PPP1R1C: variants seen among roughly 807,000 people sequenced by gnomAD.
PPP1R1C encodes the protein protein phosphatase 1 regulatory subunit 1C.
PPP1R1C carries 15 observed loss-of-function variants against 17.4 expected under a neutral mutation model. The ratio of observed to expected loss-of-function variants is 0.86; its 90% CI spans 0.58 to 1.33. The LOEUF is 1.33. PPP1R1C is among the 40% of genes most tolerant of loss of function. PPP1R1C has a pLI of 0.00. For synonymous variants in PPP1R1C, 35 were observed against 43.1 expected (o/e 0.81, Z 0.73); for missense variants, 143 against 130.0 (o/e 1.10, Z -0.48).
chr2:181,986,662 CAAT>C (rs2125139253), intron 1 of PPP1R1C, among the ~76,000 whole-genome samples: 1 of 152,224 alleles, frequency 6.6e-6, no homozygotes, highest in Non-Finnish European at 1.5e-5. Context: ...GGACACAAAA[CAAT>C]GATTATAAGT....
chr2:182,016,346 A>G (rs1686262569), intron 2 of PPP1R1C, among the ~76,000 whole-genome samples: 2 of 152,062 alleles, frequency 1.3e-5, no homozygotes, highest in African/African-American at 4.8e-5. Flanking sequence ...GTGATTGCTC[A>G]TTTGATTTTT....
At chr2:182,029,342 G>A (rs989361604) in intron 2 of PPP1R1C, among the ~76,000 whole-genome samples, 29 of 152,086 alleles carry the variant, frequency 1.9e-4, no homozygotes, top group African/African-American at 5.1e-4. Context: ...ATTTTGTAGC[G>A]GCTGGTACCG....
intron 2 of PPP1R1C, among the ~76,000 whole-genome samples, chr2:182,000,239 G>C (rs1388030737): frequency 1.3e-5 from 2 of 152,154 alleles, no homozygotes; most frequent in Non-Finnish European, 2.9e-5. Context: ...GTAAATGAGA[G>C]AACAAATCTC....
Position 181,967,939 on chromosome 2 carries a change from T to C in PPP1R1C, n.112-7280T>C, listed in dbSNP as rs965381301. Among the ~76,000 whole-genome samples, 4 of 152,196 alleles carry C rather than the reference T, an allele frequency of 2.6e-5. No individual in the cohort carries two copies. Among genetic ancestry groups the C allele is most frequent in the Non-Finnish European group, 5.9e-5 (4 of 68,042 alleles). Reference sequence around the variant, plus strand: ...CATGTTGGTCAAGCTGGTCTCAAACTCCCAATCTCAGGTGATCCACCCGCC... The same window carrying C: ...CATGTTGGTCAAGCTGGTCTCAAACCCCCAATCTCAGGTGATCCACCCGCC... On this transcript the variant is annotated intron_variant and non_coding_transcript_variant, in intron 1 of 5. Transcript: ENST00000464264. The surrounding 1 kb of genome is among the most constrained non-coding windows in gnomAD (Gnocchi z 5.5).
At position 182,076,181 on chromosome 2, in the gene PPP1R1C, C is replaced by CTT. The variant is rs1319925818; in HGVS notation, c.241+12399_241+12400dup. On this transcript the variant is annotated intron_variant, in intron 4 of 4. Coordinates refer to ENST00000682840, the MANE Select transcript of PPP1R1C (RefSeq NM_001080545.3). Reference sequence around the variant, plus strand: ...TTATCTATAAATCAAGGATTTTGAACTTTTTTTTTTCTTTTCTTTTTTTTT... The same window carrying CTT: ...TTATCTATAAATCAAGGATTTTGAACTTTTTTTTTTTTCTTTTCTTTTTTTTT... Among the ~76,000 whole-genome samples, 21 of 47,520 alleles carry CTT rather than the reference C, an allele frequency of 4.4e-4. 1 individual carries two copies. Among genetic ancestry groups the CTT allele is most frequent in the African/African-American group, 1.7e-3 (20 of 11,602 alleles). The allele number at this position is 47,520 out of a possible 152,430, so 31.2% of individuals were successfully genotyped here.
intron 2 of PPP1R1C, among the ~76,000 whole-genome samples, chr2:182,046,219 T>G (rs1024355021): frequency 2.0e-5 from 3 of 151,936 alleles, no homozygotes; most frequent in African/African-American, 7.3e-5. Context: ...GTGAATACAT[T>G]ATTAACTATA....
intron 1 of PPP1R1C, among the ~76,000 whole-genome samples, chr2:181,971,084 C>T (rs954845026): frequency 5.3e-5 from 8 of 152,164 alleles, no homozygotes; most frequent in Non-Finnish European, 1.0e-4. Context: ...CAGGCTGTTT[C>T]CATGCCACAA....
intron 2 of PPP1R1C, among the ~76,000 whole-genome samples, chr2:182,008,871 A>G (rs1238953001): frequency 3.9e-5 from 6 of 152,190 alleles, no homozygotes; most frequent in Non-Finnish European, 5.9e-5. Flanking sequence ...CCCACAAATA[A>G]GCGGGAACAT....
intron 5 of PPP1R1C, among the ~76,000 whole-genome samples, chr2:182,123,204 A>G (rs1446430924): frequency 6.6e-6 from 1 of 152,232 alleles, no homozygotes; most frequent in Non-Finnish European, 1.5e-5. Context: ...ATGGCTGCAT[A>G]GTATTCCATG....
At chr2:182,070,759 G>C (rs1221059618) in intron 4 of PPP1R1C, among the ~76,000 whole-genome samples, 1 of 152,184 alleles carries the variant, frequency 6.6e-6, no homozygotes, top group African/African-American at 2.4e-5. Context: ...TTGGCTTATA[G>C]TTCCACAGGC....
At chr2:182,097,309 T>C (rs1368208311) in intron 4 of PPP1R1C, among the ~76,000 whole-genome samples, 1 of 152,212 alleles carries the variant, frequency 6.6e-6, no homozygotes, top group Non-Finnish European at 1.5e-5. Context: ...CCTAATGTGC[T>C]AGGTTAAAAC....
Sources: gnomAD v4.1 joint callset for allele counts (sites outside exome capture counted in the v4.1 genomes callset) on GRCh38, gnomAD v4.1.1 for gene constraint, Gnocchi (gnomAD v3.1) non-coding constraint, MANE v1.5 for transcripts, NCBI Gene and HGNC (gene_info 2026-07-23, HGNC 2026-07-21) for gene names.